Variants in CAST observed in about 807,000 individuals in gnomAD.
The protein encoded by CAST is calpastatin, also known as MIR583 host.
In CAST, 76 loss-of-function variants were observed where a neutral mutation model predicts 119.6. The ratio of observed to expected loss-of-function variants is 0.64; its 90% CI spans 0.53 to 0.77. CAST has a LOEUF of 0.77. Ranked by LOEUF, CAST falls within the 30% of genes least tolerant of loss-of-function variation. The pLI, the probability that CAST is intolerant of heterozygous loss-of-function variation, is 0.00. For synonymous variants in CAST, 319 were observed against 331.6 expected (o/e 0.96, Z 0.41); for missense variants, 953 against 946.5 (o/e 1.01, Z -0.09).
the CAST span, among the ~76,000 whole-genome samples, chr5:96,323,678 G>A: frequency 2.6e-5 from 4 of 152,078 alleles, no homozygotes; most frequent in South Asian, 2.1e-4. Flanking sequence ...TCTGGCCCAA[G>A]TGTTCATTTT....
Position 96,740,073 on chromosome 5 carries a change from TA to T in CAST, c.838del (p.Arg280GlufsTer30). 1 of 1,583,376 alleles carries T rather than the reference TA, an allele frequency of 6.3e-7. No individual in the cohort carries two copies. Among genetic ancestry groups the T allele is most frequent in the Non-Finnish European group, 8.6e-7 (1 of 1,157,738 alleles). Reference protein sequence around the residue: ...MSSTYIEELGKREVTIPPKYR... With the variant: ...MSSTYIEELGXREVTIPPKYR... ...GTTCCACCTACATAGAGGAATTGGG[TA>T]AAAGAGAAGTCACAATTCCTCCAAA... On this transcript the variant is annotated frameshift_variant, in exon 12 of 32. Coordinates refer to ENST00000675179, the MANE Select transcript of CAST (RefSeq NM_001750.7). LOFTEE classifies it high-confidence loss of function.
At chr5:96,334,473 C>G in the CAST span, among the ~76,000 whole-genome samples, 1 of 152,134 alleles carries the variant, frequency 6.6e-6, no homozygotes, top group Non-Finnish European at 1.5e-5. Flanking sequence ...TAAGCCACAC[C>G]ATCGGAGGTT....
chr5:96,132,038 C>T, the CAST span, among the ~76,000 whole-genome samples: 1 of 152,120 alleles, frequency 6.6e-6, no homozygotes, highest in Admixed American at 6.6e-5. Flanking sequence ...TTCTTCTACA[C>T]ACAACATAGT....
At chr5:96,170,751 G>A in the CAST span, among the ~76,000 whole-genome samples, 1 of 152,114 alleles carries the variant, frequency 6.6e-6, no homozygotes, top group Non-Finnish European at 1.5e-5. Flanking sequence ...ATTTGGGAGA[G>A]GTTGGATAAA....
At chr5:96,348,458 A>G in the CAST span, among the ~76,000 whole-genome samples, 1 of 152,072 alleles carries the variant, frequency 6.6e-6, no homozygotes, top group African/African-American at 2.4e-5. Context: ...GACTCTAGGG[A>G]AAAAGATTCT....
chr5:95,987,988 T>C, the CAST span, among the ~76,000 whole-genome samples: 1 of 152,228 alleles, frequency 6.6e-6, no homozygotes, highest in African/African-American at 2.4e-5. Context: ...ATCTACATTC[T>C]ACAGGATCTA....
the CAST span, among the ~76,000 whole-genome samples, chr5:96,035,073 A>ATTTAAG: frequency 1.7e-3 from 225 of 130,760 alleles, 1 homozygote; most frequent in African/African-American, 6.6e-3. Flanking sequence ...ATTTAAGTAT[A>ATTTAAG]TATATATATA....
At chr5:96,161,884 A>G in the CAST span, among the ~76,000 whole-genome samples, 1 of 152,176 alleles carries the variant, frequency 6.6e-6, no homozygotes, top group African/African-American at 2.4e-5. Flanking sequence ...TATTGTAAAT[A>G]GAATTGTTTT....
At chr5:96,393,503 G>T in the CAST span, 28 of 1,130,096 alleles carry the variant, frequency 2.5e-5, no homozygotes, top group Non-Finnish European at 3.4e-5. Context: ...AGGGGAGAGA[G>T]TTCAAGACTG....
the CAST span, among the ~76,000 whole-genome samples, chr5:96,265,802 C>T: frequency 2.6e-5 from 4 of 151,948 alleles, no homozygotes; most frequent in Admixed American, 1.3e-4. Flanking sequence ...GTTGAAAACC[C>T]GTCTTGTTTG....
At chr5:96,609,990 C>T (rs1193494301) in intron 1 of CAST, among the ~76,000 whole-genome samples, 3 of 152,068 alleles carry the variant, frequency 2.0e-5, no homozygotes, top group Non-Finnish European at 2.9e-5. Context: ...GCTGTGTCCC[C>T]ACTCAAATCT....
the CAST span, among the ~76,000 whole-genome samples, chr5:96,359,530 G>A: frequency 1.3e-5 from 2 of 151,512 alleles, no homozygotes; most frequent in Non-Finnish European, 3.0e-5. Context: ...CAGGCCTGGT[G>A]GTGACAAAAT....
intron 1 of CAST, among the ~76,000 whole-genome samples, chr5:96,607,014 C>T (rs1291808190): frequency 1.3e-5 from 2 of 152,114 alleles, no homozygotes; most frequent in Non-Finnish European, 2.9e-5. Context: ...TATTGGCGGG[C>T]GCGGTAGCTC....
chr5:96,691,323 G>T (rs1249979742), intron 2 of CAST, among the ~76,000 whole-genome samples: 1 of 151,998 alleles, frequency 6.6e-6, no homozygotes, highest in African/African-American at 2.4e-5. Flanking sequence ...ACCTAACAAA[G>T]CTTGAAAGCA....
the CAST span, among the ~76,000 whole-genome samples, chr5:95,981,747 C>A: frequency 1.3e-5 from 2 of 152,112 alleles, no homozygotes; most frequent in African/African-American, 4.8e-5. Flanking sequence ...TGGTGGCATG[C>A]GCCGGTAGTC....
At chr5:96,733,285 T>C (rs534357952) in intron 9 of CAST, among the ~76,000 whole-genome samples, 1 of 152,332 alleles carries the variant, frequency 6.6e-6, no homozygotes, top group East Asian at 1.9e-4. Flanking sequence ...ATGAAATGGT[T>C]TGAAAATGGA....
intron 9 of CAST, among the ~76,000 whole-genome samples, chr5:96,732,465 C>T (rs1277723488): frequency 7.7e-6 from 1 of 129,422 alleles, no homozygotes; most frequent in African/African-American, 2.9e-5. Flanking sequence ...CCTGTTCACT[C>T]TGATGGTAGT....
chr5:95,975,590 TTG>T, the CAST span, among the ~76,000 whole-genome samples: 2 of 152,224 alleles, frequency 1.3e-5, no homozygotes, highest in African/African-American at 4.8e-5. Flanking sequence ...TCAATGATGG[TTG>T]AGCTTCGGGG....
At chr5:96,171,982 A>G in the CAST span, among the ~76,000 whole-genome samples, 1 of 151,806 alleles carries the variant, frequency 6.6e-6, no homozygotes, top group East Asian at 1.9e-4. Flanking sequence ...TTTCACTCAC[A>G]TCCGTGTGAA....
Sources: allele counts gnomAD v4.1 joint callset (sites outside exome capture counted in the v4.1 genomes callset), GRCh38; gene constraint gnomAD v4.1.1; transcripts MANE v1.5; gene names NCBI Gene and HGNC (gene_info 2026-07-23, HGNC 2026-07-21).